FRMD6: variants seen among roughly 807,000 people sequenced by gnomAD.
FRMD6 encodes the protein FERM domain containing 6.
A neutral mutation model predicts 73.2 loss-of-function variants in FRMD6; 37 were observed. That is an observed-to-expected ratio of 0.51 (90% CI 0.39 to 0.66). The LOEUF (loss-of-function observed/expected upper bound fraction) is 0.66. Among genes scored for constraint, FRMD6 ranks in the 30% least tolerant of loss-of-function variants. The probability of loss-of-function intolerance (pLI) is 0.00; values close to 1 mark genes in which losing one functional copy is unlikely to be tolerated. For missense variants in FRMD6, 714 were observed against 780.5 expected (o/e 0.91, Z 1.02); for synonymous variants, 273 against 282.2 (o/e 0.97, Z 0.33).
intron 2 of FRMD6, among the ~76,000 whole-genome samples, chr14:51,597,629 G>A (rs1465594558): frequency 6.6e-6 from 1 of 152,212 alleles, no homozygotes; most frequent in South Asian, 2.1e-4. Context: ...CTGTAAGTGG[G>A]GATAATGGTG....
rs1413979671 is a variant in FRMD6, at chr14:51,500,581, GAA to G, written c.-210+11163_-210+11164del. The stretch of plus-strand genomic sequence containing the variant: ...GAAAAAGATAGTGTGTATGTAAAGA[GAA>G]AGTTTTGAATGAAGCAAGATCTGTG... On this transcript the variant is annotated intron_variant, in intron 1 of 14. Coordinates refer to the FRMD6 transcript ENST00000356218. Among the ~76,000 whole-genome samples, 4 of 152,180 alleles carry G rather than the reference GAA, an allele frequency of 2.6e-5. No individual in the cohort carries two copies. The East Asian group carries it at 5.8e-4, about 22-fold the overall frequency.
At position 51,721,919 on chromosome 14, in the gene FRMD6, A is replaced by G. The variant is rs778945573; in HGVS notation, c.1361-30A>G. 11 of 1,611,316 alleles carry G rather than the reference A, an allele frequency of 6.8e-6. No individual in the cohort carries two copies. The Admixed American group carries it at 1.8e-4, about 27-fold the overall frequency. On this transcript the variant is annotated intron_variant, in intron 11 of 13. Coordinates refer to ENST00000344768, the MANE Select transcript of FRMD6 (RefSeq NM_001267046.2). ...TATGATGGTCATTTCCCTTTTTGTC[A>G]TTAACTATCTTTTCCTTCTTCTGTG... is the stretch of plus-strand genomic sequence containing the variant.
At chr14:51,592,317 T>C (rs1168757822) in intron 2 of FRMD6, among the ~76,000 whole-genome samples, 2 of 152,230 alleles carry the variant, frequency 1.3e-5, no homozygotes, top group East Asian at 1.9e-4. Context: ...TGCTGAACTA[T>C]AGCTCTGTAA....
intron 12 of FRMD6, among the ~76,000 whole-genome samples, chr14:51,722,500 T>G (rs932005089): frequency 1.3e-5 from 2 of 151,992 alleles, no homozygotes; most frequent in African/African-American, 4.8e-5. Context: ...GTTTTTGGGG[T>G]TTTTTTGTTT....
At chr14:51,671,102 C>T (rs796665612) in intron 1 of FRMD6, among the ~76,000 whole-genome samples, 7 of 152,162 alleles carry the variant, frequency 4.6e-5, no homozygotes, top group South Asian at 4.1e-4. Flanking sequence ...ATACACCCAA[C>T]GTGGTCATCA....
upstream of FRMD6, among the ~76,000 whole-genome samples, chr14:51,485,242 C>A (rs1019954896): frequency 5.9e-5 from 9 of 152,310 alleles, no homozygotes; most frequent in Non-Finnish European, 4.4e-5. Context: ...CACAGCTCAC[C>A]TACACAAGTC....
At chr14:51,608,414 A>G (rs1890351324) in intron 2 of FRMD6, among the ~76,000 whole-genome samples, 1 of 152,162 alleles carries the variant, frequency 6.6e-6, no homozygotes, top group Non-Finnish European at 1.5e-5. Context: ...TTACAACTTT[A>G]TAAGGTTTTG....
chr14:51,701,805 A>G (rs1343386144), intron 4 of FRMD6, among the ~76,000 whole-genome samples: 1 of 151,740 alleles, frequency 6.6e-6, no homozygotes, highest in South Asian at 2.1e-4. Flanking sequence ...TGGCTATGCT[A>G]GGTGTCAAAA....
chr14:51,615,545 C>G (rs79996391), intron 2 of FRMD6, among the ~76,000 whole-genome samples: 11,523 of 152,214 alleles, frequency 0.076, 1,035 homozygotes, highest in African/African-American at 0.22. Context: ...ATGAAAATCA[C>G]TCACAGCCAG....
chr14:51,623,982 A>C (rs957161368), intron 2 of FRMD6, among the ~76,000 whole-genome samples: 5 of 152,234 alleles, frequency 3.3e-5, no homozygotes, highest in African/African-American at 1.2e-4. Flanking sequence ...AAAAGGAAAA[A>C]GATCATGTCC....
At chr14:51,527,208 T>C (rs531494104) in intron 1 of FRMD6, among the ~76,000 whole-genome samples, 2 of 152,406 alleles carry the variant, frequency 1.3e-5, no homozygotes, top group East Asian at 3.9e-4. Context: ...ATTATTTAAA[T>C]AATCTCATTG....
chr14:51,412,990 A>T, the FRMD6 span, among the ~76,000 whole-genome samples: 3 of 134,140 alleles, frequency 2.2e-5, no homozygotes, highest in African/African-American at 5.6e-5. Context: ...CCATAGTTAA[A>T]TTTTTTTTTT....
At chr14:51,707,280 A>C (rs761523386) in intron 6 of FRMD6, among the ~76,000 whole-genome samples, 2 of 152,178 alleles carry the variant, frequency 1.3e-5, no homozygotes, top group Non-Finnish European at 2.9e-5. Context: ...ACAAAATGTC[A>C]ATATAAAGAC....
intron 1 of FRMD6, among the ~76,000 whole-genome samples, chr14:51,510,385 C>T (rs1381287253): frequency 6.6e-6 from 1 of 152,154 alleles, no homozygotes; most frequent in Non-Finnish European, 1.5e-5. Flanking sequence ...TTCATGCCTC[C>T]CTTGTGTGGT....
the FRMD6 span, among the ~76,000 whole-genome samples, chr14:51,409,025 C>T: frequency 5.3e-5 from 8 of 152,228 alleles, no homozygotes; most frequent in African/African-American, 1.7e-4. Flanking sequence ...TAAGAATACT[C>T]GACAGGGACT....
At chr14:51,445,718 C>A in the FRMD6 span, among the ~76,000 whole-genome samples, 1 of 152,170 alleles carries the variant, frequency 6.6e-6, no homozygotes, top group African/African-American at 2.4e-5. Flanking sequence ...TCCCCAAGTG[C>A]TACTCATCTT....
the FRMD6 span, among the ~76,000 whole-genome samples, chr14:51,405,685 G>C: frequency 6.6e-6 from 1 of 151,426 alleles, no homozygotes; most frequent in Non-Finnish European, 1.5e-5. Flanking sequence ...TTGTATATTT[G>C]TTTTCTCTTG....
the FRMD6 span, among the ~76,000 whole-genome samples, chr14:51,440,904 T>A: frequency 6.6e-6 from 1 of 152,224 alleles, no homozygotes; most frequent in Non-Finnish European, 1.5e-5. Flanking sequence ...TTGTCCAAGA[T>A]CAGAGAGCTT....
chr14:51,589,289 G>A (rs1054555537), intron 2 of FRMD6, among the ~76,000 whole-genome samples: 1 of 151,934 alleles, frequency 6.6e-6, no homozygotes, highest in East Asian at 1.9e-4. Flanking sequence ...TTTGCTCCAT[G>A]TACAGGTTTT....
Sources: allele counts gnomAD v4.1 joint callset (sites outside exome capture counted in the v4.1 genomes callset), GRCh38; gene constraint gnomAD v4.1.1; transcripts MANE v1.5; gene names NCBI Gene and HGNC (gene_info 2026-07-23, HGNC 2026-07-21).